The following ATXN7L1 variants were observed in gnomAD, a reference collection of about 807,000 sequenced individuals.
The protein encoded by ATXN7L1 is ataxin-7-like protein 1.
A neutral mutation model predicts 70.8 loss-of-function variants in ATXN7L1; 15 were observed. That is an observed-to-expected ratio of 0.21 (90% CI 0.14 to 0.33). The LOEUF (loss-of-function observed/expected upper bound fraction) is 0.33, where lower values mean the gene tolerates loss of function less well. Among genes scored for constraint, ATXN7L1 ranks in the 10% least tolerant of loss-of-function variants. The probability of loss-of-function intolerance (pLI) is 1.00; values close to 1 mark genes in which losing one functional copy is unlikely to be tolerated. For synonymous variants in ATXN7L1, 440 were observed against 445.1 expected, an observed-to-expected ratio of 0.99 and a Z score of 0.14; for missense variants, 975 against 1,097.1, an observed-to-expected ratio of 0.89 and a Z score of 1.57.
At chr7:105,714,161 C>T (rs1325660919) in intron 3 of ATXN7L1, among the ~76,000 whole-genome samples, 1 of 152,258 alleles carries the variant, frequency 6.6e-6, no homozygotes, top group Non-Finnish European at 1.5e-5. Flanking sequence ...GGCTAAGTAG[C>T]TTGCCCAAGC....
rs1485307746 is a variant in ATXN7L1 at position 105,607,782 on chromosome 7, T to G, written c.*70A>C. On this transcript the variant is annotated 3_prime_UTR_variant, in exon 12 of 12. Coordinates refer to ENST00000419735, the MANE Select transcript of ATXN7L1 (RefSeq NM_020725.2). The stretch of plus-strand genomic sequence containing the variant: ...CCCCCCAGCCCACTCCCCTCCCTCC[T>G]CCTCCCCATGGCCTCCTCGGATGGG... 2 of 1,405,530 alleles carry G rather than the reference T, an allele frequency of 1.4e-6. No homozygotes were observed. Among genetic ancestry groups the G allele is most frequent in the Non-Finnish European group, 2.0e-6 (2 of 1,014,148 alleles). The allele number at this position is 1,405,530 out of a possible 1,614,324, so 87.1% of individuals were successfully genotyped here.
intron 3 of ATXN7L1, among the ~76,000 whole-genome samples, chr7:105,745,580 C>A (rs540469152): frequency 5.3e-5 from 8 of 152,312 alleles, no homozygotes; most frequent in African/African-American, 1.9e-4. Flanking sequence ...CCCAGCTGAC[C>A]AGTTCCCGAG....
At chr7:105,751,225 G>A (rs1799174190) in intron 3 of ATXN7L1, among the ~76,000 whole-genome samples, 1 of 152,126 alleles carries the variant, frequency 6.6e-6, no homozygotes, top group Non-Finnish European at 1.5e-5. Flanking sequence ...GAAGGTGGGA[G>A]GGAGGTGGGA....
At chr7:105,743,357 T>C (rs979274197) in intron 3 of ATXN7L1, among the ~76,000 whole-genome samples, 2 of 152,142 alleles carry the variant, frequency 1.3e-5, no homozygotes, top group Non-Finnish European at 2.9e-5. Flanking sequence ...GGAAGCTGGA[T>C]TGGAACCCAG....
At chr7:105,615,856 C>G (rs1793811329) in intron 9 of ATXN7L1, among the ~76,000 whole-genome samples, 1 of 152,156 alleles carries the variant, frequency 6.6e-6, no homozygotes, top group African/African-American at 2.4e-5. Flanking sequence ...CAGCACTAGG[C>G]TGTGGCTTAC....
chr7:105,723,905 G>A (rs1214329601), intron 3 of ATXN7L1, among the ~76,000 whole-genome samples: 2 of 152,150 alleles, frequency 1.3e-5, no homozygotes, highest in East Asian at 1.9e-4. Flanking sequence ...AAAGTAGGGA[G>A]GAAAAGGAGA....
At chr7:105,632,165 G>A (rs1274680893) in intron 7 of ATXN7L1, among the ~76,000 whole-genome samples, 1 of 152,132 alleles carries the variant, frequency 6.6e-6, no homozygotes, top group Non-Finnish European at 1.5e-5. Context: ...CCCAGTGTGA[G>A]ACTGCCCAAC....
At chr7:105,822,074 G>C (rs975336152) in intron 2 of ATXN7L1, among the ~76,000 whole-genome samples, 1 of 152,154 alleles carries the variant, frequency 6.6e-6, no homozygotes, top group African/African-American at 2.4e-5. Context: ...ACTTCAGCTG[G>C]ACACACTGAA....
At chr7:105,850,565 T>C (rs1814725543) in intron 2 of ATXN7L1, among the ~76,000 whole-genome samples, 1 of 152,226 alleles carries the variant, frequency 6.6e-6, no homozygotes, top group Non-Finnish European at 1.5e-5. Flanking sequence ...TTATAGGACT[T>C]TCCTCTGTGC....
Position 105,614,354 on chromosome 7 carries a change from A to AGAGGAGGAG in ATXN7L1, c.1971_1979dup (p.Ser659_Ser661dup), listed in dbSNP as rs150182467. The stretch of plus-strand genomic sequence containing the variant: ...GAGACGAGAGGGATGTCTGCAAGGA[A>AGAGGAGGAG]GAGGAGGAGGAGGAGGAGGAGGAGG... On this transcript the variant is annotated inframe_insertion, in exon 10 of 12. Transcript: ENST00000419735. This position sits in a 1 kb window ranked among gnomAD's most constrained non-coding sequence, Gnocchi z 4.3. 90 of 1,550,336 alleles carry AGAGGAGGAG rather than the reference A, an allele frequency of 5.8e-5. No homozygotes were observed. Among genetic ancestry groups the AGAGGAGGAG allele is most frequent in the African/African-American group, 4.1e-4 (30 of 73,020 alleles).
At chr7:105,840,997 A>C (rs1458111975) in intron 2 of ATXN7L1, among the ~76,000 whole-genome samples, 2 of 152,226 alleles carry the variant, frequency 1.3e-5, no homozygotes, top group Non-Finnish European at 2.9e-5. Flanking sequence ...GGAGGAATGC[A>C]TTTTGGGTAA....
chr7:105,826,937 C>G (rs899096042), intron 2 of ATXN7L1, among the ~76,000 whole-genome samples: 1 of 152,174 alleles, frequency 6.6e-6, no homozygotes, highest in Non-Finnish European at 1.5e-5. Flanking sequence ...GAAGGAAGAG[C>G]TGATACGGTT....
intron 2 of ATXN7L1, among the ~76,000 whole-genome samples, chr7:105,794,809 T>C (rs907094423): frequency 6.6e-6 from 1 of 152,220 alleles, no homozygotes; most frequent in Admixed American, 6.5e-5. Flanking sequence ...CCAATGTCTA[T>C]TGACTTAATG....
chr7:105,724,814 T>TTC (rs1563039477), intron 3 of ATXN7L1, among the ~76,000 whole-genome samples: 2 of 149,942 alleles, frequency 1.3e-5, no homozygotes, highest in South Asian at 2.2e-4. Context: ...CCTTCTCTTA[T>TTC]TCTCTTTTTT....
intron 3 of ATXN7L1, among the ~76,000 whole-genome samples, chr7:105,747,121 T>C (rs1798673426): frequency 6.6e-6 from 1 of 152,238 alleles, no homozygotes; most frequent in South Asian, 2.1e-4. Context: ...TTTTGCACGC[T>C]AATGAGTTGA....
At chr7:105,666,654 A>C (rs1802657261) in intron 3 of ATXN7L1, among the ~76,000 whole-genome samples, 1 of 152,230 alleles carries the variant, frequency 6.6e-6, no homozygotes, top group African/African-American at 2.4e-5. Context: ...ATTTTTGAGG[A>C]TCATCCAATT....
intron 2 of ATXN7L1, chr7:105,819,477 A>T: frequency 1.3e-6 from 1 of 749,416 alleles, no homozygotes; most frequent in Non-Finnish European, 2.4e-6. Context: ...GTCCTTTCCC[A>T]GGGGGCTGCT....
chr7:105,821,050 G>GT (rs979019166), intron 2 of ATXN7L1, among the ~76,000 whole-genome samples: 1 of 152,112 alleles, frequency 6.6e-6, no homozygotes, highest in African/African-American at 2.4e-5. Context: ...GCTGTTGTTT[G>GT]TTTTTTCAGA....
At chr7:105,660,576 CTT>C (rs34008024) in intron 4 of ATXN7L1, among the ~76,000 whole-genome samples, 67 of 78,146 alleles carry the variant, frequency 8.6e-4, no homozygotes, top group South Asian at 6.0e-3. Flanking sequence ...CGGAAGTGAC[CTT>C]TTTTTTTTTT....
Sources: gnomAD v4.1 joint callset for allele counts (sites outside exome capture counted in the v4.1 genomes callset) on GRCh38, gnomAD v4.1.1 for gene constraint, Gnocchi (gnomAD v3.1) non-coding constraint, MANE v1.5 for transcripts, NCBI Gene and HGNC (gene_info 2026-07-23, HGNC 2026-07-21) for gene names.